SLC22A23: variants seen among roughly 807,000 people sequenced by gnomAD.
The protein encoded by SLC22A23 is ion transporter protein.
A neutral mutation model predicts 61.0 loss-of-function variants in SLC22A23; 26 were observed. The ratio of observed to expected loss-of-function variants is 0.43; its 90% CI spans 0.31 to 0.59. The LOEUF is 0.59. SLC22A23 is among the 20% of genes least tolerant of loss of function. The pLI, the probability that SLC22A23 is intolerant of heterozygous loss-of-function variation, is 0.11. For missense variants in SLC22A23, 796 were observed against 934.7 expected (o/e 0.85, Z 1.94); for synonymous variants, 430 against 413.9 (o/e 1.04, Z -0.47).
intron 1 of SLC22A23, among the ~76,000 whole-genome samples, chr6:3,445,863 C>A (rs1285651828): frequency 6.6e-6 from 1 of 152,132 alleles, no homozygotes; most frequent in East Asian, 1.9e-4. Flanking sequence ...GGGCTCAGGG[C>A]TGAGGGCACC....
intron 3 of SLC22A23, among the ~76,000 whole-genome samples, chr6:3,396,317 C>G (rs906638896): frequency 2.6e-5 from 4 of 152,214 alleles, no homozygotes; most frequent in African/African-American, 9.7e-5. Context: ...AATCCCAGCT[C>G]TTTGGGAGGC....
chr6:3,316,422 A>G (rs796596754), intron 4 of SLC22A23, among the ~76,000 whole-genome samples: 11 of 152,382 alleles, frequency 7.2e-5, no homozygotes, highest in African/African-American at 2.6e-4. Flanking sequence ...CAAATGTCAC[A>G]GTCCATGTGT....
intron 7 of SLC22A23, among the ~76,000 whole-genome samples, chr6:3,285,399 G>A (rs1044249592): frequency 2.0e-5 from 3 of 152,244 alleles, no homozygotes; most frequent in African/African-American, 7.2e-5. Context: ...CAAAGGGTGA[G>A]CTTCCTTGCA....
chr6:3,437,429 G>A (rs1244674603), intron 1 of SLC22A23, among the ~76,000 whole-genome samples: 1 of 152,040 alleles, frequency 6.6e-6, no homozygotes, highest in Non-Finnish European at 1.5e-5. Flanking sequence ...TGTAATCCCA[G>A]CACTTTGGGA....
At chr6:3,368,932 G>A (rs1766022003) in intron 3 of SLC22A23, among the ~76,000 whole-genome samples, 1 of 152,076 alleles carries the variant, frequency 6.6e-6, no homozygotes, top group Admixed American at 6.5e-5. Flanking sequence ...TGGCAAGGAA[G>A]AACCCGCTGA....
chr6:3,387,555 C>G lies in SLC22A23; in HGVS notation c.913+22633G>C, dbSNP rs752196752. On this transcript the variant is annotated intron_variant, in intron 3 of 9. Transcript: ENST00000406686. This position sits in a 1 kb window ranked among gnomAD's most constrained non-coding sequence, Gnocchi z 5.0. ...CTGGTGAGATTCAAGGAAAGTCCGTCGTTTAGTTAGTCCCACGACAACGTC... is the reference window on the plus strand; with the variant it reads ...CTGGTGAGATTCAAGGAAAGTCCGTGGTTTAGTTAGTCCCACGACAACGTC... Among the ~76,000 whole-genome samples, 1 of 152,174 alleles carries G rather than the reference C, an allele frequency of 6.6e-6. No homozygotes were observed. Among genetic ancestry groups the G allele is most frequent in the Non-Finnish European group, 1.5e-5 (1 of 68,030 alleles).
intron 3 of SLC22A23, among the ~76,000 whole-genome samples, chr6:3,395,063 G>A (rs1767919026): frequency 6.6e-6 from 1 of 152,212 alleles, no homozygotes; most frequent in African/African-American, 2.4e-5. Context: ...CTCCGGAAGT[G>A]GGCAGGAATA....
rs1485215168 is a variant in SLC22A23, at chr6:3,272,160, T to A, written c.*895A>T. The A allele has an allele frequency of 6.6e-6, 1 of 152,416 alleles. No homozygotes were observed. The highest frequency in any genetic ancestry group is 1.5e-5 in the Non-Finnish European group (1 of 68,062). The allele number at this position is 152,416 out of a possible 1,614,324, so 9.4% of individuals were successfully genotyped here. On this transcript the variant is annotated 3_prime_UTR_variant, in exon 10 of 10. Coordinates refer to ENST00000406686, the MANE Select transcript of SLC22A23 (RefSeq NM_015482.2). ...CCTCTGCCATCTTTTTGAGTTATTT[T>A]CTAATGGTTTGTAGCTTAGAAAGTA...
intron 1 of SLC22A23, among the ~76,000 whole-genome samples, chr6:3,430,385 C>T (rs1770781267): frequency 6.6e-6 from 1 of 152,124 alleles, no homozygotes; most frequent in South Asian, 2.1e-4. Flanking sequence ...CTTGACTTCT[C>T]ACATGTTCAA....
rs1759992623 is a variant in SLC22A23, at chr6:3,286,241, G to C, written c.1546+618C>G. On this transcript the variant is annotated intron_variant, in intron 7 of 9. Coordinates refer to ENST00000406686, the MANE Select transcript of SLC22A23 (RefSeq NM_015482.2). The surrounding 1 kb of genome is among the most constrained non-coding windows in gnomAD (Gnocchi z 4.2). Reference sequence around the variant, plus strand: ...AGCCTCCTGAGTAGCTGGGACTACAGGCGTGTACCACCAAGCCCAGCTAAT... The same window carrying C: ...AGCCTCCTGAGTAGCTGGGACTACACGCGTGTACCACCAAGCCCAGCTAAT... Among the ~76,000 whole-genome samples, 1 of 152,112 alleles carries C rather than the reference G, an allele frequency of 6.6e-6. No homozygotes were observed. Among genetic ancestry groups the C allele is most frequent in the Non-Finnish European group, 1.5e-5 (1 of 68,038 alleles).
intron 1 of SLC22A23, among the ~76,000 whole-genome samples, chr6:3,455,596 C>T (rs1242383766): frequency 6.6e-6 from 1 of 152,240 alleles, no homozygotes; most frequent in Non-Finnish European, 1.5e-5. Context: ...TTGAACGACG[C>T]CAGTCCGACT....
intron 3 of SLC22A23, among the ~76,000 whole-genome samples, chr6:3,346,258 C>A (rs1326772275): frequency 6.6e-6 from 1 of 152,180 alleles, no homozygotes; most frequent in Admixed American, 6.5e-5. Context: ...CCTGCTCACA[C>A]GTTCATGTAC....
At chr6:3,293,648 C>A (rs899946481) in intron 5 of SLC22A23, among the ~76,000 whole-genome samples, 1 of 152,236 alleles carries the variant, frequency 6.6e-6, no homozygotes, top group Non-Finnish European at 1.5e-5. Flanking sequence ...TGAGCCGTGG[C>A]GGTCGCCTGT....
rs1759712972 is a variant in SLC22A23, at chr6:3,283,837, T to G, written c.1703+15A>C. ...CGAGAAGCCGGCGTCCCCTGGGGTG[T>G]CTCCCATGACGCACCTTATCACCGT... is the stretch of plus-strand genomic sequence containing the variant. On this transcript the variant is annotated intron_variant, in intron 9 of 9. Transcript: ENST00000406686. 1 of 1,613,302 alleles carries G rather than the reference T, an allele frequency of 6.2e-7. No homozygotes were observed. The highest frequency in any genetic ancestry group is 8.5e-7 in the Non-Finnish European group (1 of 1,179,716).
At chr6:3,452,782 A>AATTCTGGT (rs1772218946) in intron 1 of SLC22A23, among the ~76,000 whole-genome samples, 1 of 152,312 alleles carries the variant, frequency 6.6e-6, no homozygotes, top group East Asian at 1.9e-4. Context: ...CTGCGATGCA[A>AATTCTGGT]ATTCTGGTAC....
rs538083794 is a variant in SLC22A23, at chr6:3,277,449, AAC to A, written c.1704-4039_1704-4038del. On this transcript the variant is annotated intron_variant, in intron 9 of 9. Transcript: ENST00000406686. ...TCCTCCCGCCGCAGTGCACTTGCCA[AAC>A]ACGCATCGCCTCTAGAGCCACTATG... Among the ~76,000 whole-genome samples the A allele has an allele frequency of 1.9e-3, 293 of 152,066 alleles. 1 individual carries two copies. The highest frequency in any genetic ancestry group is 3.6e-3 in the Non-Finnish European group (243 of 67,950).
intron 3 of SLC22A23, among the ~76,000 whole-genome samples, chr6:3,362,895 C>A (rs574086597): frequency 6.6e-6 from 1 of 152,300 alleles, no homozygotes; most frequent in South Asian, 2.1e-4. Context: ...CCAGCTTTTG[C>A]CATGACCACC....
intron 5 of SLC22A23, among the ~76,000 whole-genome samples, chr6:3,295,265 G>C (rs963555568): frequency 6.6e-6 from 1 of 151,700 alleles, no homozygotes. Context: ...GTGAATAACT[G>C]GGGGCTGACT....
At chr6:3,321,051 G>A (rs192700049) in intron 4 of SLC22A23, among the ~76,000 whole-genome samples, 120 of 152,310 alleles carry the variant, frequency 7.9e-4, no homozygotes, top group Middle Eastern at 6.8e-3. Flanking sequence ...TGGTGAACCT[G>A]AGGCACAGAG....
Sources: allele counts gnomAD v4.1 joint callset (sites outside exome capture counted in the v4.1 genomes callset), GRCh38; gene constraint gnomAD v4.1.1; non-coding constraint Gnocchi (gnomAD v3.1); transcripts MANE v1.5; gene names NCBI Gene and HGNC (gene_info 2026-07-23, HGNC 2026-07-21).